Variants in NPC1 observed in about 807,000 individuals in gnomAD.
NPC1 encodes NPC intracellular cholesterol transporter 1.
A neutral mutation model predicts 140.4 loss-of-function variants in NPC1; 85 were observed. The ratio of observed to expected loss-of-function variants is 0.61; its 90% CI spans 0.51 to 0.72. The LOEUF (loss-of-function observed/expected upper bound fraction) is 0.72, where lower values mean the gene tolerates loss of function less well. Ranked by LOEUF, NPC1 falls within the 30% of genes least tolerant of loss-of-function variation. NPC1 has a pLI of 0.00. For missense variants in NPC1, 1,504 were observed against 1,623.8 expected, an observed-to-expected ratio of 0.93 and a Z score of 1.27; for synonymous variants, 656 against 624.8, an observed-to-expected ratio of 1.05 and a Z score of -0.74.
At chr18:23,544,006 T>C (rs2145397594) in intron 13 of NPC1, among the ~76,000 whole-genome samples, 1 of 152,348 alleles carries the variant, frequency 6.6e-6, no homozygotes, top group East Asian at 1.9e-4. Context: ...AACATCATTT[T>C]AACAGCAGTC....
intron 4 of NPC1, 111 bp from the exon 5 acceptor site, chr18:23,561,638 G>T: frequency 9.7e-7 from 1 of 1,034,592 alleles, no homozygotes; most frequent in Non-Finnish European, 1.5e-6. Context: ...TATGCACCAT[G>T]CTGGAATGCT....
chr18:23,546,264 A>G (rs971963418), intron 11 of NPC1, among the ~76,000 whole-genome samples: 5 of 150,832 alleles, frequency 3.3e-5, no homozygotes, highest in Non-Finnish European at 5.9e-5. Flanking sequence ...AAAAAAAAAA[A>G]AAAAAAAAAA....
intron 1 of NPC1, chr18:23,523,986 A>T: frequency 1.1e-6 from 1 of 896,782 alleles, no homozygotes; most frequent in South Asian, 1.6e-5. Flanking sequence ...TTTCAGTGAG[A>T]CGGAACAGTT....
chr18:23,537,554 C>T (rs561522151), intron 20 of NPC1, among the ~76,000 whole-genome samples: 1 of 152,220 alleles, frequency 6.6e-6, no homozygotes, highest in East Asian at 1.9e-4. Context: ...CATGTAACCC[C>T]GAGCAAAATG....
chr18:23,564,296 T>A (rs79845127), intron 4 of NPC1, among the ~76,000 whole-genome samples: 2,993 of 152,326 alleles, frequency 0.02, 97 homozygotes, highest in African/African-American at 0.068. Context: ...GAGTTCTTTA[T>A]GTATTCTAGA....
intron 9 of NPC1, among the ~76,000 whole-genome samples, chr18:23,553,430 A>C (rs1233615182): frequency 1.3e-5 from 2 of 152,104 alleles, no homozygotes; most frequent in Non-Finnish European, 2.9e-5. Context: ...TCATGTTTTT[A>C]GGGGTGATAT....
chr18:23,583,775 T>C (rs2059383861), intron 1 of NPC1, among the ~76,000 whole-genome samples: 2 of 152,194 alleles, frequency 1.3e-5, no homozygotes, highest in Non-Finnish European at 2.9e-5. Context: ...AGCGAGTCCT[T>C]TTCCCTCTGC....
intron 6 of NPC1, among the ~76,000 whole-genome samples, chr18:23,558,514 T>C (rs1336493700): frequency 6.6e-6 from 1 of 151,722 alleles, no homozygotes; most frequent in Non-Finnish European, 1.5e-5. Flanking sequence ...TCATCAAGAG[T>C]GTTAAGGCCA....
At chr18:23,533,001 C>T (rs1346908393) in intron 24 of NPC1, 1 of 949,866 alleles carries the variant, frequency 1.1e-6, no homozygotes, top group Non-Finnish European at 1.3e-6. Flanking sequence ...TTCTGCAGCA[C>T]TGCTGGTGTG....
intron 4 of NPC1, among the ~76,000 whole-genome samples, chr18:23,564,312 G>T (rs927608653): frequency 5.3e-5 from 8 of 152,114 alleles, no homozygotes; most frequent in African/African-American, 1.9e-4. Flanking sequence ...CTAGATACAA[G>T]TCCCTTATCA....
At chr18:23,576,079 C>A (rs2059273207) in intron 1 of NPC1, among the ~76,000 whole-genome samples, 1 of 152,036 alleles carries the variant, frequency 6.6e-6, no homozygotes, top group African/African-American at 2.4e-5. Context: ...CAAAATTAGC[C>A]AGGTGTGGGG....
chr18:23,508,701 C>T (rs1011610649), intron 3 of NPC1: 1 of 152,476 alleles, frequency 6.6e-6, no homozygotes, highest in African/African-American at 2.4e-5. Context: ...ACTGTCCTGC[C>T]TGCCCTGCAG....
At chr18:23,519,384 A>C (rs940607685), downstream of NPC1, among the ~76,000 whole-genome samples, 2 of 152,004 alleles carry the variant, frequency 1.3e-5, no homozygotes, top group Admixed American at 1.3e-4. Flanking sequence ...CGGGCGTGGT[A>C]GTGCACGCCT....
intron 17 of NPC1, 131 bp downstream of exon 17, chr18:23,540,317 C>A: frequency 4.2e-6 from 3 of 713,414 alleles, no homozygotes; most frequent in Non-Finnish European, 7.3e-6. Flanking sequence ...GTTCTCCTAA[C>A]CCTGGAAACC....
In NPC1 at chr18:23,554,782, T is replaced by G; in HGVS notation, c.1529A>C (p.His510Pro). The change falls in exon 9 of 25, where the codon CAC (histidine) becomes CCC (proline). Residue 510 changes from histidine to proline, a missense_variant. Transcript: ENST00000269228. The part of the protein sequence containing the change: ...GDDFFVYADY[H>P]THFLYCVRAP... ...CCGTACGCAGTACAGAAAGTGCGTG[T>G]GGTAATCGGCATACACAAAGAAGTC... is the stretch of plus-strand genomic sequence containing the variant. 1.9e-6 allele frequency: 3 copies of G among 1,613,896 alleles called. No homozygotes were observed. The highest frequency in any genetic ancestry group is 2.2e-5 in the East Asian group (1 of 44,882).
intron 1 of NPC1, chr18:23,524,073 C>T: frequency 6.4e-7 from 1 of 1,551,100 alleles, no homozygotes; most frequent in Non-Finnish European, 8.9e-7. Context: ...TCATAAGTAC[C>T]AGCATTTGCA....
Position 23,534,516 on chromosome 18 carries a change from G to A in NPC1, c.3521C>T (p.Ala1174Val), listed in dbSNP as rs780175800. Reference sequence around the variant, plus strand: ...GCTGCCTTTCATGCTCACCGTGAACGCTCTGGTTATGTGGCTGCAGAACTC... The same window carrying A: ...GCTGCCTTTCATGCTCACCGTGAACACTCTGGTTATGTGGCTGCAGAACTC... ...SVEFCSHITR[A>V]FTVSMKGSRV... The change falls in exon 23 of 25, where the codon GCG becomes GTG. Residue 1174 changes from alanine to valine, a missense_variant. Transcript: ENST00000269228. 5 of 1,613,990 alleles carry A rather than the reference G, an allele frequency of 3.1e-6. No individual in the cohort carries two copies. The African/African-American group carries it at 4.0e-5, about 13-fold the overall frequency.
Position 23,544,949 on chromosome 18 carries a change from C to CCG in NPC1, c.1947+10_1947+11insCG. 7.1e-7 allele frequency: 1 copy of CCG among 1,402,080 alleles called. No homozygotes were observed. The highest frequency in any genetic ancestry group is 1.4e-5 in the African/African-American group (1 of 71,314). 86.9% of individuals were successfully genotyped at this position (1,402,080 alleles called of 1,614,324 possible). A position where few individuals can be genotyped will look rare whatever the true frequency, so the allele number is the denominator to read the frequency against. Reference sequence around the variant, plus strand: ...AACCTCTAGAACATACACCACCCCCCCCCGGCTTACCAGAAGCCTGCGACA... The same window carrying CCG: ...AACCTCTAGAACATACACCACCCCCCCGCCCGGCTTACCAGAAGCCTGCGACA... On this transcript the variant is annotated intron_variant, in intron 12 of 24. Transcript: ENST00000269228.
intron 21 of NPC1, among the ~76,000 whole-genome samples, chr18:23,536,292 T>C (rs959446268): frequency 1.3e-5 from 2 of 152,216 alleles, no homozygotes; most frequent in East Asian, 1.9e-4. Context: ...AAAGTCTACA[T>C]ACAGGCAGCA....
Sources: allele counts gnomAD v4.1 joint callset (sites outside exome capture counted in the v4.1 genomes callset), GRCh38; gene constraint gnomAD v4.1.1; transcripts MANE v1.5; gene names NCBI Gene and HGNC (gene_info 2026-07-23, HGNC 2026-07-21).